Variants in GPC5 observed in about 807,000 individuals in gnomAD.
GPC5 encodes glypican 5, also known as glypican-5.
In GPC5, 47 loss-of-function variants were observed where a neutral mutation model predicts 53.9. The observed-to-expected ratio is 0.87, with a 90% confidence interval of 0.69 to 1.11. GPC5 has a LOEUF of 1.11. Among genes scored for constraint, GPC5 ranks in the 50% most tolerant of loss-of-function variants. GPC5 has a pLI of 0.00. For synonymous variants in GPC5, 286 were observed against 263.3 expected (o/e 1.09, Z -0.84); for missense variants, 748 against 713.1 (o/e 1.05, Z -0.56).
chr13:92,743,583 C>T (rs552409546), intron 7 of GPC5, among the ~76,000 whole-genome samples: 10 of 152,120 alleles, frequency 6.6e-5, no homozygotes, highest in African/African-American at 1.9e-4. Flanking sequence ...TTATTTCTTT[C>T]TCCTGCCTGA....
chr13:92,597,378 C>A (rs756312212), intron 7 of GPC5, among the ~76,000 whole-genome samples: 2 of 151,954 alleles, frequency 1.3e-5, no homozygotes, highest in Non-Finnish European at 2.9e-5. Flanking sequence ...AGGAGCCAGA[C>A]GGATACTTTA....
intron 2 of GPC5, among the ~76,000 whole-genome samples, chr13:91,591,316 G>T (rs2032789431): frequency 1.3e-5 from 2 of 152,172 alleles, no homozygotes; most frequent in Admixed American, 1.3e-4. Flanking sequence ...CTGCTGGCCT[G>T]ATGGGGTTCC....
chr13:92,221,413 T>C (rs1056680624), intron 7 of GPC5, among the ~76,000 whole-genome samples: 1 of 152,166 alleles, frequency 6.6e-6, no homozygotes, highest in Non-Finnish European at 1.5e-5. Flanking sequence ...TCAGCAATCA[T>C]AGTGTTGTTA....
At chr13:92,081,093 G>A (rs969335731) in intron 6 of GPC5, among the ~76,000 whole-genome samples, 7 of 152,034 alleles carry the variant, frequency 4.6e-5, no homozygotes, top group African/African-American at 7.2e-5. Flanking sequence ...ACTGGTATAT[G>A]TCTTTCAACT....
intron 2 of GPC5, among the ~76,000 whole-genome samples, chr13:91,593,609 T>A (rs2032885293): frequency 6.6e-6 from 1 of 152,208 alleles, no homozygotes; most frequent in Non-Finnish European, 1.5e-5. Flanking sequence ...AGGGCATGGC[T>A]GCCTCATAAC....
chr13:92,400,981 G>T (rs2139336440), intron 7 of GPC5, among the ~76,000 whole-genome samples: 4 of 152,180 alleles, frequency 2.6e-5, no homozygotes, highest in Admixed American at 2.6e-4. Flanking sequence ...GAGGCAGATG[G>T]AAGTTGTTGC....
intron 7 of GPC5, among the ~76,000 whole-genome samples, chr13:92,630,618 C>A (rs1885204933): frequency 6.6e-6 from 1 of 152,084 alleles, no homozygotes; most frequent in Non-Finnish European, 1.5e-5. Context: ...GTGCAGCAAA[C>A]CACCATGGCA....
intron 3 of GPC5, among the ~76,000 whole-genome samples, chr13:91,696,984 G>C (rs2035892139): frequency 6.6e-6 from 1 of 152,082 alleles, no homozygotes. Context: ...GTTTGCTTCA[G>C]TTTCCTCTTT....
chr13:91,600,190 T>C (rs924225806), intron 2 of GPC5, among the ~76,000 whole-genome samples: 6 of 152,254 alleles, frequency 3.9e-5, no homozygotes, highest in Admixed American at 2.6e-4. Context: ...CAAAGTGCTG[T>C]GATTACAGGC....
chr13:92,127,710 A>C (rs2041710672), intron 6 of GPC5, among the ~76,000 whole-genome samples: 1 of 152,250 alleles, frequency 6.6e-6, no homozygotes, highest in Admixed American at 6.5e-5. Flanking sequence ...AACAGGGATA[A>C]AAGCTCTATG....
intron 7 of GPC5, among the ~76,000 whole-genome samples, chr13:92,582,951 AT>A (rs781518627): frequency 1.2e-3 from 187 of 152,072 alleles, no homozygotes; most frequent in Non-Finnish European, 2.5e-3. Context: ...TGATTTAACT[AT>A]TTTCCTTCCT....
intron 6 of GPC5, among the ~76,000 whole-genome samples, chr13:92,023,511 T>A (rs2040775633): frequency 6.6e-6 from 1 of 152,050 alleles, no homozygotes; most frequent in South Asian, 2.1e-4. Context: ...AATAAAACTG[T>A]CATTTGCTGT....
intron 7 of GPC5, among the ~76,000 whole-genome samples, chr13:92,600,152 T>C (rs547181196): frequency 6.6e-6 from 1 of 152,344 alleles, no homozygotes; most frequent in South Asian, 2.1e-4. Flanking sequence ...CATGTGTTTT[T>C]CAAGTGTCTT....
intron 7 of GPC5, among the ~76,000 whole-genome samples, chr13:92,235,804 C>G (rs1438591035): frequency 6.6e-6 from 1 of 151,902 alleles, no homozygotes; most frequent in Non-Finnish European, 1.5e-5. Flanking sequence ...AATACTTTTT[C>G]CCTTGTAGTT....
intron 5 of GPC5, among the ~76,000 whole-genome samples, chr13:91,856,429 TA>T (rs1274261113): frequency 6.6e-6 from 1 of 151,580 alleles, no homozygotes; most frequent in Non-Finnish European, 1.5e-5. Flanking sequence ...TATTTTAGTC[TA>T]CCATCAGCAA....
At chr13:91,439,130 A>T (rs1263058042) in intron 1 of GPC5, among the ~76,000 whole-genome samples, 1 of 152,148 alleles carries the variant, frequency 6.6e-6, no homozygotes, top group African/African-American at 2.4e-5. Context: ...CTCTGTTCCA[A>T]TTCATATTGG....
chr13:92,828,111 A>C (rs1207309279), intron 7 of GPC5, among the ~76,000 whole-genome samples: 1 of 152,090 alleles, frequency 6.6e-6, no homozygotes, highest in Non-Finnish European at 1.5e-5. Context: ...GACCAAAAGA[A>C]GTGCAGCACC....
At chr13:92,218,020 C>T (rs1001719479) in intron 7 of GPC5, among the ~76,000 whole-genome samples, 25 of 145,070 alleles carry the variant, frequency 1.7e-4, no homozygotes, top group African/African-American at 5.9e-4. Context: ...AATTCTTGGG[C>T]TCCAGCGGTC....
intron 6 of GPC5, among the ~76,000 whole-genome samples, chr13:92,135,563 A>G (rs2041777545): frequency 6.6e-6 from 1 of 152,150 alleles, no homozygotes; most frequent in Non-Finnish European, 1.5e-5. Context: ...ATGGTAATGG[A>G]GAGACATACA....
Sources: allele counts gnomAD v4.1 joint callset (sites outside exome capture counted in the v4.1 genomes callset), GRCh38; gene constraint gnomAD v4.1.1; transcripts MANE v1.5; gene names NCBI Gene and HGNC (gene_info 2026-07-23, HGNC 2026-07-21).